The following TMEM14C variants were observed in gnomAD, a reference collection of about 807,000 sequenced individuals.
The protein encoded by TMEM14C is transmembrane protein 14C, also known as chromosome 6 open reading frame 53.
Under a neutral mutation model 14.8 loss-of-function variants are expected in TMEM14C, and 13 were observed. The observed-to-expected ratio is 0.88, with a 90% CI of 0.57 to 1.40. The LOEUF (loss-of-function observed/expected upper bound fraction) is 1.40. Among genes scored for constraint, TMEM14C ranks in the 40% most tolerant of loss-of-function variants. The pLI is 0.00. For synonymous variants in TMEM14C, 57 were observed against 51.3 expected, an observed-to-expected ratio of 1.11 and a Z score of -0.48; for missense variants, 142 against 138.8, an observed-to-expected ratio of 1.02 and a Z score of -0.12.
chr6:10,726,823 A>G (rs1456831669), intron 4 of TMEM14C, among the ~76,000 whole-genome samples: 7 of 152,204 alleles, frequency 4.6e-5, no homozygotes, highest in African/African-American at 1.7e-4. Flanking sequence ...GTGGGGCTCC[A>G]CCCATGTGTC....
At chr6:10,728,898 C>T in intron 5 of TMEM14C, 171 bp downstream of exon 5, 1 of 1,455,930 alleles carries the variant, frequency 6.9e-7, no homozygotes, top group Non-Finnish European at 9.3e-7. Flanking sequence ...AGTTTAATGT[C>T]AAAATGGCAT....
intron 3 of TMEM14C, among the ~76,000 whole-genome samples, 172 bp from the exon 4 acceptor site, chr6:10,725,735 C>T (rs1237330605): frequency 1.3e-5 from 2 of 152,112 alleles, no homozygotes; most frequent in African/African-American, 4.8e-5. Context: ...CCTGACTTCT[C>T]TGAGAAGATA....
rs764059968 is a variant in TMEM14C, at chr6:10,725,890, T to C, written c.98-17T>C. ...GTGCCTGACATTACAATGCAAGCTG[T>C]GTTTGCTTCCCTCTAGGCAGCGTGC... On this transcript the variant is annotated splice_polypyrimidine_tract_variant and intron_variant, in intron 3 of 5. Coordinates refer to ENST00000229563, the MANE Select transcript of TMEM14C (RefSeq NM_016462.4). 37 of 1,612,964 alleles carry C rather than the reference T, an allele frequency of 2.3e-5. 1 individual carries two copies. Among genetic ancestry groups the C allele is most frequent in the Admixed American group, 6.7e-5 (4 of 60,004 alleles).
chr6:10,726,012 T>C lies in TMEM14C; in HGVS notation c.199+4T>C. ...AGGAACGTTTGGGTTTTCCTAGGTA[T>C]GTCTGCTTTGGCGTCTCCTTAGGGC... On this transcript the variant is annotated splice_donor_region_variant and intron_variant, in intron 4 of 5. Transcript: ENST00000229563. 1 of 1,614,028 alleles carries C rather than the reference T, an allele frequency of 6.2e-7. No individual in the cohort carries two copies. The highest frequency in any genetic ancestry group is 8.5e-7 in the Non-Finnish European group (1 of 1,179,974).
intron 3 of TMEM14C, among the ~76,000 whole-genome samples, chr6:10,725,341 C>A (rs1170334870): frequency 6.6e-6 from 1 of 152,184 alleles, no homozygotes; most frequent in Non-Finnish European, 1.5e-5. Flanking sequence ...CAAGTGCCAT[C>A]TCTGGGCTCA....
intron 2 of TMEM14C, 95 bp from the exon 3 acceptor site, chr6:10,724,866 C>G: frequency 6.8e-7 from 1 of 1,464,836 alleles, no homozygotes; most frequent in South Asian, 1.1e-5. Flanking sequence ...GTGATAGGAC[C>G]TGTGGGGAAT....
intron 1 of TMEM14C, chr6:10,724,302 A>T: frequency 3.1e-6 from 1 of 321,842 alleles, no homozygotes; most frequent in Non-Finnish European, 5.7e-6. Flanking sequence ...GATCTTGCTG[A>T]GTTTCCCGTG....
intron 5 of TMEM14C, 91 bp downstream of exon 5, chr6:10,728,818 A>G: frequency 6.3e-7 from 1 of 1,590,048 alleles, no homozygotes; most frequent in Non-Finnish European, 8.6e-7. Context: ...TTGTTTCAGG[A>G]TATCTGATGC....
At chr6:10,723,846 C>T (rs1229398001) in intron 1 of TMEM14C, among the ~76,000 whole-genome samples, 4 of 152,108 alleles carry the variant, frequency 2.6e-5, no homozygotes, top group Non-Finnish European at 4.4e-5. Flanking sequence ...CCAGGTGATC[C>T]GCCCGCCTCG....
In TMEM14C at chr6:10,724,939, C is replaced by T. The variant is rs752669730; in HGVS notation, c.21-22C>T. 5 of 1,613,988 alleles carry T rather than the reference C, an allele frequency of 3.1e-6. No individual in the cohort carries two copies. The East Asian group carries it at 1.1e-4, about 36-fold the overall frequency. ...GTTTTCAAAGCCAGGTTAGCACTGA[C>T]TTCTCCCTCTTGTGTTTTCAGAGTG... On this transcript the variant is annotated intron_variant, in intron 2 of 5. Coordinates refer to ENST00000229563, the MANE Select transcript of TMEM14C (RefSeq NM_016462.4).
rs994461326 is a variant in TMEM14C at position 10,724,499 on chromosome 6, T to G, written c.-44-71T>G. 1.1e-5 allele frequency: 11 copies of G among 1,009,718 alleles called. No homozygotes were observed. In the Middle Eastern group the frequency reaches 6.2e-4, roughly 57 times the overall value. The allele number at this position is 1,009,718 out of a possible 1,614,324, so 62.5% of individuals were successfully genotyped here. A position where few individuals can be genotyped will look rare whatever the true frequency, so the allele number is the denominator to read the frequency against. On this transcript the variant is annotated intron_variant, in intron 1 of 5. Transcript: ENST00000229563. ...GACTTAGGTTGCGTAGCTTGCAGGT[T>G]GGACACACTTCTTTCTGACTGCTGG...
Position 10,730,878 on chromosome 6 carries a change from C to T in TMEM14C, c.*212C>T. The T allele has an allele frequency of 8.2e-7, 1 of 1,225,378 alleles. No homozygotes were observed. The highest frequency in any genetic ancestry group is 1.0e-6 in the Non-Finnish European group (1 of 978,096). 75.9% of individuals were successfully genotyped at this position (1,225,378 alleles called of 1,614,324 possible). The stretch of plus-strand genomic sequence containing the variant: ...TGTAACACAAGAGCTTAATAAGACC[C>T]TCATAGAGCTTGATTCTTGTATATT... On this transcript the variant is annotated 3_prime_UTR_variant, in exon 6 of 6. Coordinates refer to ENST00000229563, the MANE Select transcript of TMEM14C (RefSeq NM_016462.4).
rs1436930221 is a variant in TMEM14C, at chr6:10,731,005, AGT to A, written c.*343_*344del. The A allele has an allele frequency of 2.0e-6, 2 of 1,006,798 alleles. No individual in the cohort carries two copies. The highest frequency in any genetic ancestry group is 2.4e-6 in the Non-Finnish European group (2 of 844,308). The allele number at this position is 1,006,798 out of a possible 1,614,324, so 62.4% of individuals were successfully genotyped here. ...AACCCCATTCCCTGCTCTGAGGAAC[AGT>A]GTGAAAAAAAGTCTTTTAGGAGATT... On this transcript the variant is annotated 3_prime_UTR_variant, in exon 6 of 6. Transcript: ENST00000229563.
At chr6:10,730,417 T>C (rs1435178977) in intron 5 of TMEM14C, among the ~76,000 whole-genome samples, 198 bp from the exon 6 acceptor site, 2 of 152,192 alleles carry the variant, frequency 1.3e-5, no homozygotes, top group East Asian at 3.8e-4. Flanking sequence ...AGGATCCAGC[T>C]CATGTGTGCT....
chr6:10,726,340 C>G (rs1006564765), intron 4 of TMEM14C, among the ~76,000 whole-genome samples: 13 of 152,172 alleles, frequency 8.5e-5, no homozygotes, highest in African/African-American at 3.1e-4. Context: ...AACTATCACA[C>G]GTCTGGGTTA....
In TMEM14C at chr6:10,725,974, G is replaced by A; in HGVS notation, c.165G>A (p.Leu55=). The part of the protein sequence containing the change: ...GSLAGLGAYQ[L]SQDPRNVWVF... ...TAGCCGGCCTGGGTGCTTACCAGCT[G>A]TCTCAGGATCCAAGGAACGTTTGGG... Residue 55 remains leucine, a synonymous_variant, in exon 4 of 6, where the codon CTG becomes CTA. Coordinates refer to ENST00000229563, the MANE Select transcript of TMEM14C (RefSeq NM_016462.4). The A allele has an allele frequency of 1.2e-6, 2 of 1,614,130 alleles. No individual in the cohort carries two copies. The highest frequency in any genetic ancestry group is 1.7e-6 in the Non-Finnish European group (2 of 1,180,032).
chr6:10,728,285 G>A (rs1337064794), intron 4 of TMEM14C, among the ~76,000 whole-genome samples: 2 of 152,240 alleles, frequency 1.3e-5, no homozygotes, highest in African/African-American at 4.8e-5. Flanking sequence ...CAGATACCCA[G>A]TGGGAATTGT....
In TMEM14C at chr6:10,730,902, TTGA is replaced by T. The variant is rs760394645; in HGVS notation, c.*239_*241del. On this transcript the variant is annotated 3_prime_UTR_variant, in exon 6 of 6. Transcript: ENST00000229563. ...CCTCATAGAGCTTGATTCTTGTATA[TTGA>T]TGTTGTCTTTTCTTTCTGTATCTGT... is the stretch of plus-strand genomic sequence containing the variant. 6.6e-4 allele frequency: 761 copies of T among 1,160,880 alleles called. No individual in the cohort carries two copies. Among genetic ancestry groups the T allele is most frequent in the Non-Finnish European group, 7.4e-4 (694 of 940,932 alleles). 71.9% of individuals were successfully genotyped at this position (1,160,880 alleles called of 1,614,324 possible).
intron 5 of TMEM14C, among the ~76,000 whole-genome samples, chr6:10,729,384 C>T (rs867199283): frequency 1.3e-4 from 20 of 152,282 alleles, no homozygotes; most frequent in Non-Finnish European, 8.8e-5. Flanking sequence ...CCGCCCACTT[C>T]GGCCTCCCAA....
Sources: gnomAD v4.1 joint callset for allele counts (sites outside exome capture counted in the v4.1 genomes callset) on GRCh38, gnomAD v4.1.1 for gene constraint, MANE v1.5 for transcripts, NCBI Gene and HGNC (gene_info 2026-07-23, HGNC 2026-07-21) for gene names.